UVRAG: variants seen among roughly 807,000 people sequenced by gnomAD.
UVRAG encodes the protein UV radiation resistance-associated gene protein.
UVRAG carries 19 observed loss-of-function variants against 78.0 expected under a neutral mutation model. The observed-to-expected ratio is 0.24, with a 90% CI of 0.17 to 0.36. The LOEUF (loss-of-function observed/expected upper bound fraction) is 0.36. UVRAG is among the 10% of genes least tolerant of loss of function. The probability of loss-of-function intolerance (pLI) is 1.00; values close to 1 mark genes in which losing one functional copy is unlikely to be tolerated. For synonymous variants in UVRAG, 323 were observed against 324.6 expected, an observed-to-expected ratio of 1.00 and a Z score of 0.05; for missense variants, 740 against 853.8, an observed-to-expected ratio of 0.87 and a Z score of 1.66.
At chr11:76,062,399 G>A (rs569294550) in intron 12 of UVRAG, among the ~76,000 whole-genome samples, 7 of 152,274 alleles carry the variant, frequency 4.6e-5, no homozygotes, top group African/African-American at 1.4e-4. Context: ...TTGGCTGCCT[G>A]TAACCAAGAT....
intron 2 of UVRAG, among the ~76,000 whole-genome samples, chr11:75,853,803 C>T (rs928067866): frequency 3.9e-5 from 6 of 151,946 alleles, no homozygotes; most frequent in Non-Finnish European, 8.8e-5. Context: ...GGCAGAGTCT[C>T]GCTCCGTTGC....
chr11:76,032,398 C>T (rs2135402283), intron 12 of UVRAG, among the ~76,000 whole-genome samples: 2 of 152,200 alleles, frequency 1.3e-5, no homozygotes, highest in South Asian at 4.1e-4. Context: ...TTAATAGTTG[C>T]TTTTCTTCTC....
chr11:76,025,965 A>G (rs1950318963), intron 12 of UVRAG, among the ~76,000 whole-genome samples: 1 of 152,162 alleles, frequency 6.6e-6, no homozygotes, highest in Non-Finnish European at 1.5e-5. Flanking sequence ...CCCGTTCTGC[A>G]TAGCTAGTTT....
intron 12 of UVRAG, among the ~76,000 whole-genome samples, chr11:76,028,690 C>T (rs1950377779): frequency 6.6e-6 from 1 of 152,176 alleles, no homozygotes; most frequent in African/African-American, 2.4e-5. Flanking sequence ...ACCTAACTTT[C>T]TTCAGTTACT....
chr11:75,864,635 A>G (rs1363559383), intron 3 of UVRAG, among the ~76,000 whole-genome samples: 3 of 152,210 alleles, frequency 2.0e-5, no homozygotes, highest in Non-Finnish European at 4.4e-5. Context: ...TTTTGTATTT[A>G]TTTGTTACCA....
intron 12 of UVRAG, among the ~76,000 whole-genome samples, chr11:76,057,112 G>A (rs563148555): frequency 2.6e-4 from 40 of 152,352 alleles, no homozygotes; most frequent in African/African-American, 9.1e-4. Flanking sequence ...CTTTAGCCAC[G>A]TAAGGCCCTG....
chr11:75,876,719 G>A (rs1368535583), intron 3 of UVRAG, among the ~76,000 whole-genome samples: 3 of 149,116 alleles, frequency 2.0e-5, no homozygotes, highest in Non-Finnish European at 3.0e-5. Flanking sequence ...CTGCCACAAA[G>A]CCAAGAACAG....
At chr11:75,997,119 AG>A (rs1354519566) in intron 8 of UVRAG, among the ~76,000 whole-genome samples, 1 of 152,246 alleles carries the variant, frequency 6.6e-6, no homozygotes, top group Non-Finnish European at 1.5e-5. Context: ...TTAACCCTTG[AG>A]AAAGGCAGCA....
At chr11:76,096,912 G>C (rs888619697) in intron 13 of UVRAG, among the ~76,000 whole-genome samples, 1 of 152,082 alleles carries the variant, frequency 6.6e-6, no homozygotes, top group Admixed American at 6.6e-5. Context: ...GGGCATCCTC[G>C]CCCAAACTGA....
chr11:76,034,838 G>A (rs1453127038), intron 12 of UVRAG, among the ~76,000 whole-genome samples: 1 of 152,132 alleles, frequency 6.6e-6, no homozygotes, highest in African/African-American at 2.4e-5. Flanking sequence ...TAATATAAAT[G>A]ATGGCTCCCA....
intron 1 of UVRAG, among the ~76,000 whole-genome samples, chr11:75,831,090 A>C (rs1362093954): frequency 2.0e-5 from 3 of 152,232 alleles, no homozygotes; most frequent in Admixed American, 6.5e-5. Flanking sequence ...CTTGGTTTAT[A>C]GTAAGTGTTC....
intron 13 of UVRAG, among the ~76,000 whole-genome samples, chr11:76,109,981 G>C (rs940367262): frequency 1.3e-5 from 2 of 152,048 alleles, no homozygotes; most frequent in African/African-American, 2.4e-5. Context: ...GTTTATTCCT[G>C]CTTCTCTGGA....
chr11:76,129,151 A>AT (rs1488811284), intron 14 of UVRAG, among the ~76,000 whole-genome samples: 1 of 152,220 alleles, frequency 6.6e-6, no homozygotes, highest in Non-Finnish European at 1.5e-5. Context: ...ACATAACTTA[A>AT]TGTGACACAG....
In UVRAG at chr11:76,016,923, G is replaced by T. The variant is rs1591136649; in HGVS notation, c.1169G>T (p.Gly390Val). 1.2e-6 allele frequency: 2 copies of T among 1,608,988 alleles called. No individual in the cohort carries two copies. Among genetic ancestry groups the T allele is most frequent in the Non-Finnish European group, 8.5e-7 (1 of 1,177,078 alleles). ...VPLRYPIIHK[G>V]SRSTIKDNIN... is the part of the protein sequence containing the mutation. ...CTCAGATATCCTATAATTCATAAGGGGTCTAGATCAACAATCAAAGACAAT... is the reference window on the plus strand; with the variant it reads ...CTCAGATATCCTATAATTCATAAGGTGTCTAGATCAACAATCAAAGACAAT... Residue 390 changes from glycine (G) to valine (V), a missense_variant, in exon 12 of 15, where the codon GGG becomes GTG. Transcript: ENST00000356136.
intron 5 of UVRAG, among the ~76,000 whole-genome samples, chr11:75,897,871 ATTTTTTT>A (rs146122619): frequency 1.8e-5 from 2 of 108,898 alleles, no homozygotes; most frequent in Admixed American, 1.1e-4. Flanking sequence ...TAGCTCTTTA[ATTTTTTT>A]TTTTTTTTTT....
chr11:76,065,920 A>C, intron 13 of UVRAG, 132 bp downstream of exon 13: 2 of 691,154 alleles, frequency 2.9e-6, no homozygotes, highest in South Asian at 5.5e-5. Context: ...AGTAATACAC[A>C]GTTCTTTTTT....
intron 12 of UVRAG, among the ~76,000 whole-genome samples, chr11:76,038,358 AAAAAAAAATACAAATTGC>A (rs1233473383): frequency 1.3e-5 from 2 of 150,964 alleles, no homozygotes; most frequent in Non-Finnish European, 3.0e-5. Context: ...GGTTTATGCA[AAAAAAAAATACAAATTGC>A]AAAAAAAATA....
chr11:76,027,399 A>G (rs1186945061), intron 12 of UVRAG, among the ~76,000 whole-genome samples: 1 of 152,074 alleles, frequency 6.6e-6, no homozygotes. Flanking sequence ...TTCATTCGAC[A>G]TTTGTTTTTT....
intron 1 of UVRAG, 36 bp from the exon 2 acceptor site, chr11:75,851,847 T>C (rs905591463): frequency 1.3e-6 from 2 of 1,547,582 alleles, no homozygotes; most frequent in East Asian, 2.2e-5. Flanking sequence ...GGAGGAAAAA[T>C]CTGAATGCCT....
Sources: gnomAD v4.1 joint callset for allele counts (sites outside exome capture counted in the v4.1 genomes callset) on GRCh38, gnomAD v4.1.1 for gene constraint, MANE v1.5 for transcripts, NCBI Gene and HGNC (gene_info 2026-07-23, HGNC 2026-07-21) for gene names.